Variants in LONP2 observed in about 807,000 individuals in gnomAD.
The protein encoded by LONP2 is lon peptidase 2, peroxisomal.
Under a neutral mutation model 85.6 loss-of-function variants are expected in LONP2, and 60 were observed. The observed-to-expected ratio is 0.70, with a 90% confidence interval of 0.57 to 0.87. LONP2 has a LOEUF of 0.87. LONP2 is among the 40% of genes least tolerant of loss of function. LONP2 has a pLI of 0.00. For missense variants in LONP2, 860 were observed against 1,063.5 expected (o/e 0.81, Z 2.66); for synonymous variants, 395 against 389.7 (o/e 1.01, Z -0.16).
At chr16:48,267,032 G>A (rs1193525440) in intron 6 of LONP2, among the ~76,000 whole-genome samples, 1 of 152,126 alleles carries the variant, frequency 6.6e-6, no homozygotes, top group Non-Finnish European at 1.5e-5. Context: ...TTTATGTAAT[G>A]TTTGCATGTC....
intron 11 of LONP2, among the ~76,000 whole-genome samples, chr16:48,310,572 G>A (rs189787253): frequency 6.6e-6 from 1 of 152,010 alleles, no homozygotes; most frequent in East Asian, 1.9e-4. Flanking sequence ...GGCTGGTCTC[G>A]AACTCCTGAC....
intron 2 of LONP2, 39 bp downstream of exon 2, chr16:48,252,404 T>C (rs1164181937): frequency 1.5e-6 from 2 of 1,356,914 alleles, no homozygotes; most frequent in Non-Finnish European, 2.0e-6. Flanking sequence ...CCATTTTTCT[T>C]TGGTTCTTTT....
chr16:48,336,926 G>A (rs1361163051), intron 12 of LONP2, among the ~76,000 whole-genome samples: 2 of 152,122 alleles, frequency 1.3e-5, no homozygotes, highest in South Asian at 2.1e-4. Context: ...CCCTGTAGCC[G>A]GGTGTCTCTA....
At chr16:48,310,599 G>A (rs959338443) in intron 11 of LONP2, among the ~76,000 whole-genome samples, 20 of 152,172 alleles carry the variant, frequency 1.3e-4, no homozygotes, top group African/African-American at 4.3e-4. Flanking sequence ...TGATCCTCCC[G>A]CCTTGGCCTC....
rs182124871 is a variant in LONP2, at chr16:48,286,854, G to T, written c.1384-9161G>T. ...CGTACTTTTGTATTTCTTTGTGTGT[G>T]TCTCATAATTTTTTTTGTTGAAACT... On this transcript the variant is annotated intron_variant, in intron 8 of 14. Coordinates refer to ENST00000285737, the MANE Select transcript of LONP2 (RefSeq NM_031490.5). Among the ~76,000 whole-genome samples the T allele has an allele frequency of 1.9e-3, 287 of 151,344 alleles. 1 individual carries two copies. Among genetic ancestry groups the T allele is most frequent in the African/African-American group, 6.6e-3 (273 of 41,230 alleles).
chr16:48,301,833 A>G (rs1002668859), intron 10 of LONP2, among the ~76,000 whole-genome samples: 1 of 152,192 alleles, frequency 6.6e-6, no homozygotes, highest in African/African-American at 2.4e-5. Context: ...ATAAAATACT[A>G]TCAGGTGCTG....
intron 12 of LONP2, among the ~76,000 whole-genome samples, chr16:48,341,461 A>C (rs1959805603): frequency 6.6e-6 from 1 of 152,092 alleles, no homozygotes. Flanking sequence ...CATGCTTTTA[A>C]ACAACCACCT....
At chr16:48,342,091 A>G (rs184251779) in intron 12 of LONP2, among the ~76,000 whole-genome samples, 1 of 152,288 alleles carries the variant, frequency 6.6e-6, no homozygotes, top group African/African-American at 2.4e-5. Context: ...AAGGACCAAT[A>G]TACCTGGTTG....
intron 11 of LONP2, among the ~76,000 whole-genome samples, chr16:48,313,312 C>T (rs772116823): frequency 6.6e-6 from 1 of 152,080 alleles, no homozygotes; most frequent in Non-Finnish European, 1.5e-5. Flanking sequence ...AGTCTTCTTA[C>T]ATAAGTTTTT....
intron 9 of LONP2, 138 bp from the exon 10 acceptor site, chr16:48,299,524 G>T (rs1226488582): frequency 3.9e-6 from 3 of 761,708 alleles, no homozygotes; most frequent in African/African-American, 3.6e-5. Context: ...GGAGGTTGTA[G>T]TGAGCCGAGA....
At chr16:48,263,262 A>G (rs746357059) in intron 6 of LONP2, among the ~76,000 whole-genome samples, 2 of 152,200 alleles carry the variant, frequency 1.3e-5, no homozygotes, top group African/African-American at 2.4e-5. Context: ...TGTTAGCGAT[A>G]GGCACTTTTC....
At chr16:48,360,466 T>C (rs1960540046), downstream of LONP2, 1 of 152,628 alleles carries the variant, frequency 6.6e-6, no homozygotes, top group African/African-American at 2.4e-5. Context: ...AATTAAAGTA[T>C]GGAATGAAAC....
downstream of LONP2, chr16:48,360,525 G>GT (rs1313427200): frequency 2.6e-5 from 4 of 152,612 alleles, no homozygotes; most frequent in Non-Finnish European, 4.4e-5. Flanking sequence ...AGCAGACACA[G>GT]TAAGATTTTT....
At chr16:48,261,803 G>A (rs1447012405) in intron 5 of LONP2, among the ~76,000 whole-genome samples, 2 of 151,890 alleles carry the variant, frequency 1.3e-5, no homozygotes, top group African/African-American at 2.4e-5. Context: ...TGTTCAGTTA[G>A]CATCATATTC....
intron 3 of LONP2, among the ~76,000 whole-genome samples, chr16:48,258,376 G>A (rs1567310462): frequency 6.6e-6 from 1 of 151,208 alleles, no homozygotes; most frequent in Non-Finnish European, 1.5e-5. Flanking sequence ...AAACCACACA[G>A]CTTCATTTTA....
At chr16:48,338,225 A>C (rs911770033) in intron 12 of LONP2, among the ~76,000 whole-genome samples, 1 of 152,214 alleles carries the variant, frequency 6.6e-6, no homozygotes, top group African/African-American at 2.4e-5. Context: ...TAAGGACCTA[A>C]CATGTGCTTC....
In LONP2 at chr16:48,362,561, T is replaced by C. The variant is rs992765952; in HGVS notation, c.*698T>C. 15 of 874,700 alleles carry C rather than the reference T, an allele frequency of 1.7e-5. No individual in the cohort carries two copies. The highest frequency in any genetic ancestry group is 5.7e-5 in the Admixed American group (2 of 34,958). 54.2% of individuals were successfully genotyped at this position (874,700 alleles called of 1,614,324 possible). A position where few individuals can be genotyped will look rare whatever the true frequency, so the allele number is the denominator to read the frequency against. ...TTACTGAGCAAAAGAGGAAGAAAAA[T>C]AGGATTAAAAAAGATATTAAAAAAA... On this transcript the variant is annotated 3_prime_UTR_variant, in exon 5 of 5. Coordinates refer to the LONP2 transcript ENST00000565867. The surrounding 1 kb of genome is among the most constrained non-coding windows in gnomAD (Gnocchi z 4.2).
At chr16:48,347,771 C>T (rs1209540770) in intron 13 of LONP2, 57 bp downstream of exon 13, 13 of 1,499,592 alleles carry the variant, frequency 8.7e-6, no homozygotes, top group African/African-American at 2.8e-5. Context: ...CCTTCCATGG[C>T]GGAGACTGGC....
chr16:48,356,092 A>T lies in LONP2; in HGVS notation c.*4290A>T, dbSNP rs1960339393. ...GATCCTTACTTGCTTGGTGGTTACAAATGCAAATACAGTGAAGAATGTCAT... is the reference window on the plus strand; with the variant it reads ...GATCCTTACTTGCTTGGTGGTTACATATGCAAATACAGTGAAGAATGTCAT... On this transcript the variant is annotated 3_prime_UTR_variant, in exon 15 of 15. Transcript: ENST00000285737. The T allele has an allele frequency of 6.6e-6, 1 of 152,194 alleles. No individual in the cohort carries two copies. Among genetic ancestry groups the T allele is most frequent in the African/African-American group, 2.4e-5 (1 of 41,434 alleles). 9.4% of individuals were successfully genotyped at this position (152,194 alleles called of 1,614,324 possible).
Sources: gnomAD v4.1 joint callset for allele counts (sites outside exome capture counted in the v4.1 genomes callset) on GRCh38, gnomAD v4.1.1 for gene constraint, Gnocchi (gnomAD v3.1) non-coding constraint, MANE v1.5 for transcripts, NCBI Gene and HGNC (gene_info 2026-07-23, HGNC 2026-07-21) for gene names.